KLF12: variants seen among roughly 807,000 people sequenced by gnomAD.
KLF12 encodes KLF transcription factor 12.
A neutral mutation model predicts 37.8 loss-of-function variants in KLF12; 9 were observed. The observed-to-expected ratio is 0.24, with a 90% CI of 0.14 to 0.42. The LOEUF is 0.42. Ranked by LOEUF, KLF12 falls within the 10% of genes least tolerant of loss-of-function variation. KLF12 has a pLI of 1.00. For synonymous variants in KLF12, 208 were observed against 202.1 expected (o/e 1.03, Z -0.25); for missense variants, 411 against 516.0 (o/e 0.80, Z 1.97).
chr13:74,221,962 T>G, the KLF12 span, among the ~76,000 whole-genome samples: 1 of 152,184 alleles, frequency 6.6e-6, no homozygotes, highest in Non-Finnish European at 1.5e-5. Flanking sequence ...TTATCTTTGC[T>G]CAATGAACTC....
intron 1 of KLF12, among the ~76,000 whole-genome samples, chr13:74,088,961 A>C (rs1436681043): frequency 6.6e-6 from 1 of 152,222 alleles, no homozygotes; most frequent in African/African-American, 2.4e-5. Context: ...CTTTATATGC[A>C]AGCTCTTAAA....
intron 5 of KLF12, among the ~76,000 whole-genome samples, chr13:73,810,774 T>C (rs887795579): frequency 6.6e-6 from 1 of 152,054 alleles, no homozygotes; most frequent in Non-Finnish European, 1.5e-5. Context: ...AATATACAGA[T>C]GAGAACACAG....
the KLF12 span, among the ~76,000 whole-genome samples, chr13:74,241,815 C>CG: frequency 1.3e-5 from 2 of 152,186 alleles, no homozygotes; most frequent in Non-Finnish European, 2.9e-5. Flanking sequence ...GCGCACGGTG[C>CG]ATGCACCCAC....
rs528117256 is a variant in KLF12 at position 73,687,626 on chromosome 13, G to A, written c.*7864C>T. The A allele has an allele frequency of 6.6e-6, 1 of 152,096 alleles. No individual in the cohort carries two copies. Among genetic ancestry groups the A allele is most frequent in the Non-Finnish European group, 1.5e-5 (1 of 67,990 alleles). 9.4% of individuals were successfully genotyped at this position (152,096 alleles called of 1,614,324 possible). On this transcript the variant is annotated 3_prime_UTR_variant, in exon 8 of 8. Transcript: ENST00000377669. ...TAGCAGAAAGGGAAGATGTTGGTAT[G>A]TCCCTAAAATATCTTACTTTTTGAT...
rs75223505 is a variant in KLF12 at position 74,052,535 on chromosome 13, G to C, written c.-31-57482C>G. ...GCTGAGAATCAAGTTACTAGGCAGGGAGGCACATTATTTACCCAGCCCAGC... is the reference window on the plus strand; with the variant it reads ...GCTGAGAATCAAGTTACTAGGCAGGCAGGCACATTATTTACCCAGCCCAGC... On this transcript the variant is annotated intron_variant, in intron 1 of 7. Coordinates refer to ENST00000377669, the MANE Select transcript of KLF12 (RefSeq NM_007249.5). 8.3e-3 allele frequency among the ~76,000 whole-genome samples: 1,256 copies of C among 152,116 alleles called. 18 individuals carry two copies. The highest frequency in any genetic ancestry group is 0.028 in the African/African-American group (1,172 of 41,484).
intron 1 of KLF12, among the ~76,000 whole-genome samples, chr13:74,002,898 A>C (rs1042780586): frequency 2.6e-5 from 4 of 152,236 alleles, no homozygotes; most frequent in Non-Finnish European, 5.9e-5. Context: ...GGAACCTGAC[A>C]CACAGAAGCT....
intron 1 of KLF12, among the ~76,000 whole-genome samples, chr13:74,099,214 G>T (rs1876160667): frequency 6.6e-6 from 1 of 152,056 alleles, no homozygotes; most frequent in Non-Finnish European, 1.5e-5. Context: ...GGGCATGGTA[G>T]TGCACTCCTG....
intron 1 of KLF12, among the ~76,000 whole-genome samples, chr13:74,088,228 C>G (rs923049619): frequency 2.0e-5 from 3 of 152,010 alleles, no homozygotes; most frequent in African/African-American, 7.2e-5. Context: ...AGGAATTTAA[C>G]CCACCATAGA....
At chr13:73,948,198 A>G (rs1376399880) in intron 2 of KLF12, among the ~76,000 whole-genome samples, 2 of 152,058 alleles carry the variant, frequency 1.3e-5, no homozygotes, top group Non-Finnish European at 2.9e-5. Flanking sequence ...TCACTGCACC[A>G]AGTTGGTTGG....
At chr13:73,944,268 T>G (rs1890322343) in intron 2 of KLF12, among the ~76,000 whole-genome samples, 198 bp from the exon 3 acceptor site, 1 of 152,162 alleles carries the variant, frequency 6.6e-6, no homozygotes, top group Middle Eastern at 3.2e-3. Context: ...GACCAAGCAG[T>G]TGAATTAAGC....
chr13:74,294,451 C>G, the KLF12 span, among the ~76,000 whole-genome samples: 1 of 152,040 alleles, frequency 6.6e-6, no homozygotes, highest in Non-Finnish European at 1.5e-5. Flanking sequence ...TCACTGCAAC[C>G]TCTGCCCCCT....
intron 6 of KLF12, among the ~76,000 whole-genome samples, chr13:73,745,833 G>A (rs377413133): frequency 2.6e-5 from 4 of 152,048 alleles, no homozygotes; most frequent in Non-Finnish European, 5.9e-5. Context: ...GCAAGTCAAG[G>A]GTATACCACT....
the KLF12 span, among the ~76,000 whole-genome samples, chr13:74,262,840 T>C: frequency 6.6e-6 from 1 of 152,138 alleles, no homozygotes; most frequent in Non-Finnish European, 1.5e-5. Flanking sequence ...TACGTATATA[T>C]GTATGTACAC....
chr13:74,132,460 G>A (rs1878314952), intron 1 of KLF12, among the ~76,000 whole-genome samples: 1 of 152,162 alleles, frequency 6.6e-6, no homozygotes, highest in Non-Finnish European at 1.5e-5. Flanking sequence ...TAACGCTGGT[G>A]TAAAATAAAA....
At chr13:74,245,804 G>T in the KLF12 span, among the ~76,000 whole-genome samples, 2 of 152,142 alleles carry the variant, frequency 1.3e-5, no homozygotes, top group African/African-American at 4.8e-5. Context: ...CTTACCTCTT[G>T]TAAATAAGAG....
intron 2 of KLF12, among the ~76,000 whole-genome samples, chr13:73,977,311 T>G (rs1242814569): frequency 5.9e-5 from 9 of 152,150 alleles, no homozygotes; most frequent in Non-Finnish European, 1.2e-4. Flanking sequence ...CTCCCAGAGC[T>G]GGGATTACAG....
At chr13:73,790,503 G>A (rs1313601457) in intron 5 of KLF12, among the ~76,000 whole-genome samples, 1 of 152,134 alleles carries the variant, frequency 6.6e-6, no homozygotes, top group East Asian at 1.9e-4. Flanking sequence ...TTTGTGAAGT[G>A]ACTCCTGGTA....
chr13:73,939,082 A>G (rs1366606515), intron 3 of KLF12, among the ~76,000 whole-genome samples: 2 of 152,166 alleles, frequency 1.3e-5, no homozygotes, highest in Non-Finnish European at 2.9e-5. Flanking sequence ...CACGGATCAG[A>G]ACTGTACCTG....
the KLF12 span, among the ~76,000 whole-genome samples, chr13:74,140,418 AGGAGG>A: frequency 2.6e-5 from 4 of 152,248 alleles, no homozygotes; most frequent in South Asian, 8.3e-4. Flanking sequence ...CCAGATACTC[AGGAGG>A]CTGAGGTGGG....
Sources: allele counts gnomAD v4.1 joint callset (sites outside exome capture counted in the v4.1 genomes callset), GRCh38; gene constraint gnomAD v4.1.1; transcripts MANE v1.5; gene names NCBI Gene and HGNC (gene_info 2026-07-23, HGNC 2026-07-21).